The following ZMYM2 variants were observed in gnomAD, a reference collection of about 807,000 sequenced individuals.
ZMYM2 encodes zinc finger MYM-type protein 2.
Under a neutral mutation model 162.8 loss-of-function variants are expected in ZMYM2, and 56 were observed. The ratio of observed to expected loss-of-function variants is 0.34; its 90% CI spans 0.28 to 0.43. The LOEUF is 0.43. Ranked by LOEUF, ZMYM2 falls within the 20% of genes least tolerant of loss-of-function variation. The probability of loss-of-function intolerance (pLI) is 1.00; values close to 1 mark genes in which losing one functional copy is unlikely to be tolerated. For missense variants in ZMYM2, 1,275 were observed against 1,621.8 expected (o/e 0.79, Z 3.67); for synonymous variants, 510 against 541.6 (o/e 0.94, Z 0.81).
intron 2 of ZMYM2, among the ~76,000 whole-genome samples, chr13:19,971,244 G>GTGTGTGTATATATATATATATA (rs5802035): frequency 1.6e-4 from 8 of 50,126 alleles, no homozygotes; most frequent in Admixed American, 2.9e-4. Flanking sequence ...GTGTGTGTGT[G>GTGTGTGTATATATATATATATA]TATATATATA....
chr13:19,983,803 A>AT (rs577793913), intron 2 of ZMYM2, among the ~76,000 whole-genome samples: 3 of 131,386 alleles, frequency 2.3e-5, no homozygotes, highest in African/African-American at 6.2e-5. Flanking sequence ...TAATTTTCCT[A>AT]TTTTTTGTAG....
chr13:20,047,414 A>G (rs1189784838), intron 12 of ZMYM2, among the ~76,000 whole-genome samples: 2 of 152,190 alleles, frequency 1.3e-5, no homozygotes, highest in African/African-American at 4.8e-5. Flanking sequence ...AGTACATTAA[A>G]ACCTATGACC....
intron 2 of ZMYM2, among the ~76,000 whole-genome samples, chr13:19,990,190 C>G (rs1032528931): frequency 6.6e-6 from 1 of 152,126 alleles, no homozygotes; most frequent in Non-Finnish European, 1.5e-5. Context: ...GGCTGTTTAC[C>G]TGTTTTGATT....
At chr13:19,863,922 C>A in the ZMYM2 span, 1 of 151,806 alleles carries the variant, frequency 6.6e-6, no homozygotes, top group Non-Finnish European at 1.5e-5. Context: ...CCGGGTCCGC[C>A]AGGGTCAGGA....
chr13:19,892,166 C>T, the ZMYM2 span, among the ~76,000 whole-genome samples: 1 of 151,942 alleles, frequency 6.6e-6, no homozygotes, highest in African/African-American at 2.4e-5. Context: ...GGGTCTCAAA[C>T]TCCTGGGCTC....
At chr13:19,983,389 G>A (rs895398169) in intron 2 of ZMYM2, among the ~76,000 whole-genome samples, 2 of 151,868 alleles carry the variant, frequency 1.3e-5, no homozygotes, top group African/African-American at 2.4e-5. Context: ...CAGATGATCC[G>A]CCTCCCTCGG....
chr13:19,936,087 T>C, the ZMYM2 span, among the ~76,000 whole-genome samples: 2 of 152,232 alleles, frequency 1.3e-5, no homozygotes, highest in African/African-American at 4.8e-5. Flanking sequence ...TTTGAAAATC[T>C]TAGTCTCTCC....
intron 8 of ZMYM2, 66 bp downstream of exon 8, chr13:20,026,828 C>G (rs191767811): frequency 1.4e-6 from 2 of 1,456,638 alleles, no homozygotes; most frequent in Middle Eastern, 2.3e-4. Context: ...CATAAATACT[C>G]ATTTGATGTT....
At chr13:19,981,302 CAAAA>C (rs370355968) in intron 2 of ZMYM2, among the ~76,000 whole-genome samples, 1,410 of 123,888 alleles carry the variant, frequency 0.011, 26 homozygotes, top group African/African-American at 0.046. Context: ...AACAAACAAA[CAAAA>C]AAAAAAACAA....
At chr13:19,971,226 A>ATGTGTG (rs1402220919) in intron 2 of ZMYM2, among the ~76,000 whole-genome samples, 3 of 68,960 alleles carry the variant, frequency 4.4e-5, no homozygotes, top group Non-Finnish European at 8.6e-5. Context: ...TAGTTTATAT[A>ATGTGTG]TATGTGTGTG....
chr13:20,006,405 C>G lies in ZMYM2; in HGVS notation c.1331C>G (p.Thr444Ser). 1 of 1,598,422 alleles carries G rather than the reference C, an allele frequency of 6.3e-7. No homozygotes were observed. Among genetic ancestry groups the G allele is most frequent in the Non-Finnish European group, 8.5e-7 (1 of 1,171,846 alleles). ...IRHEVSFKNMTHKLCSDHCFN... is the reference protein window; with the variant it reads ...IRHEVSFKNMSHKLCSDHCFN... ...CATGAAGTCAGCTTTAAAAATATGA[C>G]TCATAAGCTGTGCAGTGACCACTGC... Residue 444 changes from threonine to serine, a missense_variant, in exon 6 of 25, where the codon ACT (threonine) becomes AGT (serine). Thr to Ser is a moderately conservative substitution (Grantham distance 58, BLOSUM62 1). This residue lies in a region of ZMYM2 where 276 missense variants were observed against 311.8 expected (regional missense o/e 0.89). Transcript: ENST00000610343.
chr13:19,953,424 C>T, the ZMYM2 span, among the ~76,000 whole-genome samples: 1 of 152,140 alleles, frequency 6.6e-6, no homozygotes, highest in Non-Finnish European at 1.5e-5. Context: ...GTGGCTCACG[C>T]CTGTAATCCG....
At chr13:19,961,366 C>T (rs1955190178) in intron 2 of ZMYM2, among the ~76,000 whole-genome samples, 1 of 152,116 alleles carries the variant, frequency 6.6e-6, no homozygotes, top group Admixed American at 6.5e-5. Flanking sequence ...TTAACATAGT[C>T]TCTTTTTCAA....
intron 3 of ZMYM2, among the ~76,000 whole-genome samples, chr13:19,994,373 G>C (rs60329371): frequency 1.3e-5 from 2 of 152,288 alleles, no homozygotes; most frequent in East Asian, 3.9e-4. Context: ...TATCTTGTTT[G>C]TCATGCATTA....
Position 19,993,904 on chromosome 13 carries a change from A to C in ZMYM2, c.832A>C (p.Thr278Pro). The C allele has an allele frequency of 6.2e-7, 1 of 1,612,062 alleles. No individual in the cohort carries two copies. The highest frequency in any genetic ancestry group is 2.2e-5 in the East Asian group (1 of 44,858). Reference protein sequence around the residue: ...GDVFQNGESATHHNPDSWISQ... With the variant: ...GDVFQNGESAPHHNPDSWISQ... ...CGTTTTTCAGAATGGAGAATCTGCA[A>C]CTCATCATAATCCTGGTAAGCAGTA... is the stretch of plus-strand genomic sequence containing the variant. Residue 278 changes from threonine to proline, a missense_variant, in exon 3 of 25, where the codon ACT becomes CCT. By Grantham distance (38) the Thr-to-Pro change is conservative (BLOSUM62 -1). Coordinates refer to ENST00000610343, the MANE Select transcript of ZMYM2 (RefSeq NM_197968.4).
At chr13:19,982,507 C>T (rs879739986) in intron 2 of ZMYM2, among the ~76,000 whole-genome samples, 12 of 151,818 alleles carry the variant, frequency 7.9e-5, no homozygotes, top group Non-Finnish European at 1.5e-4. Flanking sequence ...AGGCTGGTCT[C>T]GAACTCCTGA....
At chr13:19,924,878 CTTTTTTT>C in the ZMYM2 span, among the ~76,000 whole-genome samples, 9 of 136,772 alleles carry the variant, frequency 6.6e-5, no homozygotes, top group African/African-American at 1.6e-4. Flanking sequence ...TTTATTGAAA[CTTTTTTT>C]TTTTTTTTTT....
intron 1 of ZMYM2, 90 bp from the exon 2 acceptor site, chr13:19,959,868 C>A (rs918299733): frequency 7.9e-5 from 12 of 152,212 alleles, no homozygotes; most frequent in African/African-American, 2.9e-4. Context: ...CCTCTTATTC[C>A]CTTCTCTGCC....
chr13:19,929,986 T>C, the ZMYM2 span, among the ~76,000 whole-genome samples: 11 of 152,208 alleles, frequency 7.2e-5, no homozygotes, highest in African/African-American at 1.9e-4. Flanking sequence ...AAGTCTGGGA[T>C]GGTAGTTCAT....
Sources: allele counts gnomAD v4.1 joint callset (sites outside exome capture counted in the v4.1 genomes callset), GRCh38; gene constraint gnomAD v4.1.1; regional missense constraint gnomAD v4.1.1; transcripts MANE v1.5; gene names NCBI Gene and HGNC (gene_info 2026-07-23, HGNC 2026-07-21).